FXR1: variants seen among roughly 807,000 people sequenced by gnomAD.
FXR1 encodes RNA-binding protein FXR1.
FXR1 carries 15 observed loss-of-function variants against 84.0 expected under a neutral mutation model. The observed-to-expected ratio is 0.18, with a 90% CI of 0.12 to 0.27. The LOEUF (loss-of-function observed/expected upper bound fraction) is 0.27, where lower values mean the gene tolerates loss of function less well. Ranked by LOEUF, FXR1 falls within the 10% of genes least tolerant of loss-of-function variation. The probability of loss-of-function intolerance (pLI) is 1.00; values close to 1 mark genes in which losing one functional copy is unlikely to be tolerated. For synonymous variants in FXR1, 245 were observed against 250.7 expected, an observed-to-expected ratio of 0.98 and a Z score of 0.21; for missense variants, 480 against 774.4, an observed-to-expected ratio of 0.62 and a Z score of 4.51.
At chr3:180,961,189 T>C (rs1712051217) in intron 10 of FXR1, among the ~76,000 whole-genome samples, 1 of 151,692 alleles carries the variant, frequency 6.6e-6, no homozygotes, top group South Asian at 2.1e-4. Context: ...AAATAAAAAG[T>C]AATAGCTGGT....
chr3:180,929,986 C>T (rs1006766399), intron 1 of FXR1, among the ~76,000 whole-genome samples: 5 of 152,150 alleles, frequency 3.3e-5, no homozygotes, highest in East Asian at 3.8e-4. Context: ...GCTCAAGGGC[C>T]GGGGCGTGGT....
intron 2 of FXR1, among the ~76,000 whole-genome samples, chr3:180,934,593 GA>G (rs1182811005): frequency 6.6e-6 from 1 of 152,146 alleles, no homozygotes; most frequent in Non-Finnish European, 1.5e-5. Context: ...GTGAGAAAAT[GA>G]AATCTTTTGT....
chr3:180,961,596 A>G (rs1412156070), intron 11 of FXR1, 42 bp downstream of exon 11: 1 of 882,576 alleles, frequency 1.1e-6, no homozygotes, highest in East Asian at 2.4e-5. Flanking sequence ...TTGTTGCTGC[A>G]TTTACTACAT....
At chr3:180,914,432 A>G (rs1222748779) in intron 1 of FXR1, among the ~76,000 whole-genome samples, 3 of 152,130 alleles carry the variant, frequency 2.0e-5, no homozygotes, top group Non-Finnish European at 2.9e-5. Flanking sequence ...TAAGGGAGGT[A>G]TGCATTTTTT....
chr3:180,931,093 C>T (rs1043188765), intron 1 of FXR1, among the ~76,000 whole-genome samples: 2 of 147,038 alleles, frequency 1.4e-5, no homozygotes, highest in African/African-American at 2.5e-5. Flanking sequence ...GCCAGAAAGT[C>T]ATTATTATAG....
At chr3:180,923,314 TG>T (rs1718796055) in intron 1 of FXR1, among the ~76,000 whole-genome samples, 1 of 152,206 alleles carries the variant, frequency 6.6e-6, no homozygotes, top group South Asian at 2.1e-4. Flanking sequence ...CCAAAGAGTC[TG>T]GGGTGTCCTG....
At chr3:180,943,617 G>C (rs1040109703) in intron 3 of FXR1, among the ~76,000 whole-genome samples, 3 of 152,148 alleles carry the variant, frequency 2.0e-5, no homozygotes, top group African/African-American at 7.2e-5. Context: ...CACTTTATGA[G>C]AGTAACTTGG....
intron 2 of FXR1, among the ~76,000 whole-genome samples, chr3:180,934,011 G>A (rs570128464): frequency 1.5e-3 from 235 of 152,240 alleles, no homozygotes; most frequent in Non-Finnish European, 2.8e-3. Context: ...CTACTTAGGA[G>A]ACTGAGGCAG....
At chr3:180,917,308 T>C (rs552504023) in intron 1 of FXR1, among the ~76,000 whole-genome samples, 15 of 152,348 alleles carry the variant, frequency 9.8e-5, no homozygotes, top group South Asian at 2.1e-4. Context: ...AATAGAATTA[T>C]AGTAAAAAGT....
At chr3:180,932,624 G>A (rs1403549221) in intron 1 of FXR1, among the ~76,000 whole-genome samples, 2 of 152,112 alleles carry the variant, frequency 1.3e-5, no homozygotes, top group African/African-American at 2.4e-5. Context: ...AAAAATGACC[G>A]CCAATTGTTA....
In FXR1 at chr3:180,957,943, T is replaced by C. The variant is rs569904802; in HGVS notation, c.990+15T>C. ...CCAGAGAAGACGTAAGTATTTAAAA[T>C]GTAATCTGCCTCTTTAAAATGTCCT... On this transcript the variant is annotated intron_variant, in intron 10 of 16. Transcript: ENST00000357559. The C allele has an allele frequency of 2.8e-5, 32 of 1,150,502 alleles. No individual in the cohort carries two copies. Among genetic ancestry groups the C allele is most frequent in the Non-Finnish European group, 4.0e-5 (31 of 783,366 alleles). 71.3% of individuals were successfully genotyped at this position (1,150,502 alleles called of 1,614,324 possible).
chr3:180,938,216 C>T (rs145678515), intron 3 of FXR1, among the ~76,000 whole-genome samples: 5 of 152,264 alleles, frequency 3.3e-5, no homozygotes, highest in African/African-American at 9.6e-5. Flanking sequence ...AGTATAATTC[C>T]TAAGAGGTTA....
chr3:180,975,410 G>C lies in FXR1; in HGVS notation c.1695+6G>C. 8.1e-7 allele frequency: 1 copy of C among 1,235,830 alleles called. No homozygotes were observed. The highest frequency in any genetic ancestry group is 1.2e-6 in the Non-Finnish European group (1 of 862,006). The allele number at this position is 1,235,830 out of a possible 1,614,324, so 76.6% of individuals were successfully genotyped here. The stretch of plus-strand genomic sequence containing the variant: ...CTAAAAACAAGAAAGAAATGGTAAG[G>C]AGAATTTAACCTGTAGGTTTTTTTT... On this transcript the variant is annotated splice_donor_region_variant and intron_variant, in intron 16 of 16. Transcript: ENST00000357559.
intron 3 of FXR1, among the ~76,000 whole-genome samples, chr3:180,945,440 T>G (rs1471258214): frequency 6.6e-6 from 1 of 152,250 alleles, no homozygotes; most frequent in Non-Finnish European, 1.5e-5. Flanking sequence ...GGTCTCGTTC[T>G]GTCACCCAGG....
At chr3:180,914,954 G>GA (rs1717701935) in intron 1 of FXR1, 1 of 984,180 alleles carries the variant, frequency 1.0e-6, no homozygotes, top group South Asian at 4.7e-5. Context: ...TGGCGGAGTG[G>GA]AAAAGAGTCC....
intron 9 of FXR1, among the ~76,000 whole-genome samples, chr3:180,955,439 A>G (rs1292087182): frequency 6.6e-6 from 1 of 152,190 alleles, no homozygotes; most frequent in African/African-American, 2.4e-5. Flanking sequence ...GTTAAAATTC[A>G]ATATAAACTT....
intron 15 of FXR1, among the ~76,000 whole-genome samples, chr3:180,973,454 C>T (rs1713834357): frequency 6.6e-6 from 1 of 152,144 alleles, no homozygotes; most frequent in African/African-American, 2.4e-5. Flanking sequence ...AGATGTTTTC[C>T]TAGGTGTCAC....
At chr3:180,955,010 A>C (rs192411054) in intron 9 of FXR1, among the ~76,000 whole-genome samples, 1 of 131,292 alleles carries the variant, frequency 7.6e-6, no homozygotes, top group Non-Finnish European at 1.6e-5. Context: ...TTTTTTGGAG[A>C]TGGAGTCTTG....
At chr3:180,932,707 A>C (rs1391023559) in intron 1 of FXR1, among the ~76,000 whole-genome samples, 3 of 152,226 alleles carry the variant, frequency 2.0e-5, no homozygotes, top group African/African-American at 7.2e-5. Flanking sequence ...TTTTAAGGGA[A>C]GGGAAAGAGA....
Sources: gnomAD v4.1 joint callset for allele counts (sites outside exome capture counted in the v4.1 genomes callset) on GRCh38, gnomAD v4.1.1 for gene constraint, MANE v1.5 for transcripts, NCBI Gene and HGNC (gene_info 2026-07-23, HGNC 2026-07-21) for gene names.